The following PDCL2 variants were observed in gnomAD, a reference collection of about 807,000 sequenced individuals.
The protein encoded by PDCL2 is phosducin-like protein 2.
In PDCL2, 23 loss-of-function variants were observed where a neutral mutation model predicts 30.3. That is an observed-to-expected ratio of 0.76 (90% CI 0.55 to 1.08). The LOEUF (loss-of-function observed/expected upper bound fraction) is 1.08. Among genes scored for constraint, PDCL2 ranks in the 50% least tolerant of loss-of-function variants. The pLI, the probability that PDCL2 is intolerant of heterozygous loss-of-function variation, is 0.00. For missense variants in PDCL2, 243 were observed against 282.3 expected, an observed-to-expected ratio of 0.86 and a Z score of 1.00; for synonymous variants, 68 against 86.2, an observed-to-expected ratio of 0.79 and a Z score of 1.17.
intron 1 of PDCL2, among the ~76,000 whole-genome samples, chr4:55,586,270 A>G (rs1487321444): frequency 1.3e-5 from 2 of 152,134 alleles, no homozygotes; most frequent in Non-Finnish European, 2.9e-5. Flanking sequence ...TAATTTTCTA[A>G]GATTTCCTCT....
At chr4:55,561,099 A>AT (rs1300208044) in intron 5 of PDCL2, among the ~76,000 whole-genome samples, 1 of 152,088 alleles carries the variant, frequency 6.6e-6, no homozygotes, top group Non-Finnish European at 1.5e-5. Context: ...TATGTTGTTA[A>AT]TTTTTTTAAT....
Position 55,590,824 on chromosome 4 carries a change from C to T in PDCL2, c.6+1280G>A, listed in dbSNP as rs539307295. Among the ~76,000 whole-genome samples, 23 of 152,224 alleles carry T rather than the reference C, an allele frequency of 1.5e-4. No homozygotes were observed. In the East Asian group the frequency reaches 3.1e-3, roughly 20 times the overall value. On this transcript the variant is annotated intron_variant, in intron 1 of 5. Transcript: ENST00000295645. The stretch of plus-strand genomic sequence containing the variant: ...AATTTTATCTAACAGAAACAGGCAC[C>T]ACAATCTATTTGCTCAAACTATGAA...
In PDCL2 at chr4:55,582,149, T is replaced by A. The variant is rs571392046; in HGVS notation, c.95A>T (p.Glu32Val). 1.9e-5 allele frequency: 31 copies of A among 1,613,334 alleles called. 1 individual carries two copies. In the South Asian group the frequency reaches 3.3e-4, roughly 17 times the overall value. ...TTCTTTCTGTAAACGTAAAACCATT[T>A]CTTCAATTTCATCTTTTGACTCTTC... ...PKEESKDEIE[E>V]MVLRLQKEAM... Residue 32 changes from glutamate (E) to valine (V), a missense_variant, in exon 2 of 6, where the codon GAA becomes GTA. Coordinates refer to ENST00000295645, the MANE Select transcript of PDCL2 (RefSeq NM_152401.3).
chr4:55,556,688 CT>C lies in PDCL2; in HGVS notation c.594del (p.Val199LeufsTer17). On this transcript the variant is annotated frameshift_variant, in exon 6 of 6. Coordinates refer to ENST00000295645, the MANE Select transcript of PDCL2 (RefSeq NM_152401.3). LOFTEE classifies it high-confidence loss of function. ...TCCAAATCAGTCTGTATTGCTCCAA[CT>C]TCTGCTAGCTTCCATTCAAGTTCTG... ...KLEELEWKLAEVGAIQTDLEE... is the reference protein window; with the variant it reads ...KLEELEWKLAXVGAIQTDLEE... The C allele has an allele frequency of 6.4e-7, 1 of 1,554,780 alleles. No individual in the cohort carries two copies. The highest frequency in any genetic ancestry group is 8.7e-7 in the Non-Finnish European group (1 of 1,149,786).
Position 55,556,624 on chromosome 4 carries a change from G to A in PDCL2, c.659C>T (p.Ser220Phe). The change falls in exon 6 of 6, where the codon TCT becomes TTT. Residue 220 changes from serine to phenylalanine, a missense_variant. By Grantham distance (155) the Ser-to-Phe change is radical. Coordinates refer to ENST00000295645, the MANE Select transcript of PDCL2 (RefSeq NM_152401.3). ...PRKDMVDMMV[S>F]SIRNTSIHDD... The stretch of plus-strand genomic sequence containing the variant: ...ATGAATAGAAGTGTTTCTAATTGAA[G>A]ATACCATCATATCTACCATGTCTTT... The A allele has an allele frequency of 6.4e-7, 1 of 1,574,222 alleles. No homozygotes were observed. The highest frequency in any genetic ancestry group is 8.6e-7 in the Non-Finnish European group (1 of 1,156,700).
In PDCL2 at chr4:55,592,161, C is replaced by T; in HGVS notation, c.-52G>A. On this transcript the variant is annotated 5_prime_UTR_variant, in exon 1 of 6. Coordinates refer to ENST00000295645, the MANE Select transcript of PDCL2 (RefSeq NM_152401.3). ...CCGCGTCGTCCTGCAGCTGGCGAGG[C>T]GCCACGGATGGAGACCCGCAGCCTT... The T allele has an allele frequency of 6.2e-7, 1 of 1,600,256 alleles. No homozygotes were observed. The highest frequency in any genetic ancestry group is 1.1e-5 in the South Asian group (1 of 88,000).
Position 55,569,756 on chromosome 4 carries a change from T to C in PDCL2, c.324A>G (p.Glu108=), listed in dbSNP as rs182586033. Residue 108 remains glutamate, a synonymous_variant, in exon 4 of 6, where the codon GAA becomes GAG. Transcript: ENST00000295645. The part of the protein sequence containing the change: ...NQYVNEVTNA[E]EDVWVIIHLY... ...GATGAATTATAACCCACACATCTTC[T>C]TCTGCATTTGTGACTTCATTCACAT... 61 of 1,564,658 alleles carry C rather than the reference T, an allele frequency of 3.9e-5. No individual in the cohort carries two copies. In the African/African-American group the frequency reaches 7.6e-4, roughly 19 times the overall value.
intron 3 of PDCL2, among the ~76,000 whole-genome samples, chr4:55,570,518 T>C (rs574516001): frequency 6.6e-6 from 1 of 152,308 alleles, no homozygotes; most frequent in Admixed American, 6.5e-5. Flanking sequence ...CTTGGGCAAG[T>C]TGTTTAATCT....
At position 55,591,974 on chromosome 4, in the gene PDCL2, AG is replaced by A. The variant is rs536726731; in HGVS notation, c.6+129del. 4.1e-5 allele frequency: 53 copies of A among 1,287,612 alleles called. No individual in the cohort carries two copies. The African/African-American group carries it at 4.8e-4, about 12-fold the overall frequency. The allele number at this position is 1,287,612 out of a possible 1,614,324, so 79.8% of individuals were successfully genotyped here. On this transcript the variant is annotated intron_variant, in intron 1 of 5. Coordinates refer to ENST00000295645, the MANE Select transcript of PDCL2 (RefSeq NM_152401.3). ...CTAGACAGAGAAGCACGCAAAATTTAGCACTTTCCAAGAACAAATGTTAGAG... is the reference window on the plus strand; with the variant it reads ...CTAGACAGAGAAGCACGCAAAATTTACACTTTCCAAGAACAAATGTTAGAG...
Position 55,560,189 on chromosome 4 carries a change from AGG to A in PDCL2, c.571+2213_571+2214del, listed in dbSNP as rs11338563. ...TCATTGATATCTGTCTCAAAAAAAAAGGGGGGGGGGACGAGATACACACTAAA... is the reference window on the plus strand; with the variant it reads ...TCATTGATATCTGTCTCAAAAAAAAAGGGGGGGGACGAGATACACACTAAA... On this transcript the variant is annotated intron_variant, in intron 5 of 5. Coordinates refer to ENST00000295645, the MANE Select transcript of PDCL2 (RefSeq NM_152401.3). Among the ~76,000 whole-genome samples, 362 of 138,296 alleles carry A rather than the reference AGG, an allele frequency of 2.6e-3. 2 individuals are homozygous for A. Among genetic ancestry groups the A allele is most frequent in the African/African-American group, 8.8e-3 (338 of 38,456 alleles). The allele number at this position is 138,296 out of a possible 152,430, so 90.7% of individuals were successfully genotyped here. A position where few individuals can be genotyped will look rare whatever the true frequency, so the allele number is the denominator to read the frequency against.
chr4:55,582,770 T>C (rs1732760062), intron 1 of PDCL2, among the ~76,000 whole-genome samples: 2 of 99,266 alleles, frequency 2.0e-5, no homozygotes, highest in Non-Finnish European at 2.0e-5. Flanking sequence ...CCCAAGCCCA[T>C]GACAGGCCCC....
intron 3 of PDCL2, among the ~76,000 whole-genome samples, chr4:55,573,044 C>T (rs1732469623): frequency 6.6e-6 from 1 of 152,154 alleles, no homozygotes; most frequent in African/African-American, 2.4e-5. Flanking sequence ...AGGCATGAGC[C>T]ACCGCGCCCG....
intron 1 of PDCL2, among the ~76,000 whole-genome samples, chr4:55,587,166 C>A (rs36142752): frequency 1.5e-5 from 2 of 133,370 alleles, no homozygotes; most frequent in African/African-American, 5.7e-5. Flanking sequence ...AACACTGTGT[C>A]TTCCAGAGGA....
At chr4:55,573,937 A>G (rs1448603281) in intron 3 of PDCL2, among the ~76,000 whole-genome samples, 2 of 150,346 alleles carry the variant, frequency 1.3e-5, no homozygotes, top group Non-Finnish European at 3.0e-5. Context: ...CTCTGTCACC[A>G]GGCTGGAGTG....
At chr4:55,561,056 T>C (rs1337374977) in intron 5 of PDCL2, among the ~76,000 whole-genome samples, 1 of 152,212 alleles carries the variant, frequency 6.6e-6, no homozygotes, top group East Asian at 1.9e-4. Context: ...ATGCTTACTA[T>C]ATTATTATTC....
intron 3 of PDCL2, among the ~76,000 whole-genome samples, chr4:55,573,010 G>A (rs1732468972): frequency 1.3e-5 from 2 of 152,042 alleles, no homozygotes; most frequent in Non-Finnish European, 2.9e-5. Flanking sequence ...TGCCCACCTC[G>A]GCCTCCCAAA....
At chr4:55,581,735 T>C (rs1414615699) in intron 2 of PDCL2, among the ~76,000 whole-genome samples, 1 of 152,224 alleles carries the variant, frequency 6.6e-6, no homozygotes, top group Non-Finnish European at 1.5e-5. Context: ...TCTTGCTCTG[T>C]TGCCCAGAGC....
At chr4:55,585,524 T>TCA (rs71192022) in intron 1 of PDCL2, among the ~76,000 whole-genome samples, 23,805 of 150,330 alleles carry the variant, frequency 0.16, 2,283 homozygotes, top group East Asian at 0.35. Flanking sequence ...TGAGATACTG[T>TCA]CACACACACA....
At chr4:55,580,440 C>T (rs562955852) in intron 3 of PDCL2, among the ~76,000 whole-genome samples, 60 of 152,170 alleles carry the variant, frequency 3.9e-4, no homozygotes, top group African/African-American at 1.4e-3. Context: ...GAACCTGTTC[C>T]AGTTTCTAAA....
Sources: gnomAD v4.1 joint callset for allele counts (sites outside exome capture counted in the v4.1 genomes callset) on GRCh38, gnomAD v4.1.1 for gene constraint, MANE v1.5 for transcripts, NCBI Gene and HGNC (gene_info 2026-07-23, HGNC 2026-07-21) for gene names.